CAST: variants seen among roughly 807,000 people sequenced by gnomAD.
CAST encodes calpastatin.
CAST carries 76 observed loss-of-function variants against 119.6 expected under a neutral mutation model. The observed-to-expected ratio is 0.64, with a 90% CI of 0.53 to 0.77. The LOEUF is 0.77. Ranked by LOEUF, CAST falls within the 30% of genes least tolerant of loss-of-function variation. CAST has a pLI of 0.00. For missense variants in CAST, 953 were observed against 946.5 expected (o/e 1.01, Z -0.09); for synonymous variants, 319 against 331.6 (o/e 0.96, Z 0.41).
intron 1 of CAST, among the ~76,000 whole-genome samples, chr5:96,672,449 C>G (rs1209961369): frequency 6.6e-6 from 1 of 152,098 alleles, no homozygotes; most frequent in Non-Finnish European, 1.5e-5. Context: ...GTGGCTCACG[C>G]CTGTAATCCC....
the CAST span, among the ~76,000 whole-genome samples, chr5:95,997,916 A>G: frequency 6.6e-6 from 1 of 151,542 alleles, no homozygotes; most frequent in Admixed American, 6.6e-5. Flanking sequence ...GTAAATGGAA[A>G]GACTGGAACA....
chr5:96,690,228 A>G (rs1164612941), intron 2 of CAST, among the ~76,000 whole-genome samples: 1 of 151,646 alleles, frequency 6.6e-6, no homozygotes, highest in African/African-American at 2.4e-5. Context: ...ATGTGAATTT[A>G]TTTATTTATC....
the CAST span, among the ~76,000 whole-genome samples, chr5:96,439,029 A>G: frequency 1.3e-5 from 2 of 152,198 alleles, no homozygotes; most frequent in Admixed American, 6.5e-5. Context: ...TATTAATGCT[A>G]TTAACCTATC....
At chr5:96,649,944 C>A (rs2112278) in intron 1 of CAST, among the ~76,000 whole-genome samples, 8 of 152,198 alleles carry the variant, frequency 5.3e-5, no homozygotes, top group Non-Finnish European at 1.0e-4. Flanking sequence ...AGACACTATT[C>A]TAAAAGTTTT....
chr5:96,548,510 G>T (rs1295860053), intron 1 of CAST, among the ~76,000 whole-genome samples: 2 of 152,052 alleles, frequency 1.3e-5, no homozygotes, highest in African/African-American at 4.8e-5. Context: ...TGTCCTTTGT[G>T]GTAGATGCAC....
the CAST span, among the ~76,000 whole-genome samples, chr5:96,278,061 G>A: frequency 6.6e-6 from 1 of 150,730 alleles, no homozygotes; most frequent in Middle Eastern, 3.4e-3. Context: ...ATTTTGTTTT[G>A]TCTTAGATTG....
At chr5:96,426,672 A>G in the CAST span, among the ~76,000 whole-genome samples, 1 of 152,208 alleles carries the variant, frequency 6.6e-6, no homozygotes, top group Admixed American at 6.5e-5. Flanking sequence ...TCATTATGAG[A>G]TAATTCTATA....
the CAST span, among the ~76,000 whole-genome samples, chr5:96,330,560 A>C: frequency 6.6e-6 from 1 of 152,186 alleles, no homozygotes; most frequent in East Asian, 1.9e-4. Context: ...TATGCAGTTT[A>C]TCAGCCTCTA....
chr5:96,242,154 A>G, the CAST span, among the ~76,000 whole-genome samples: 5,417 of 149,052 alleles, frequency 0.036, 297 homozygotes, highest in African/African-American at 0.13. Flanking sequence ...CTATGTCCTG[A>G]ATGGTAATGC....
the CAST span, among the ~76,000 whole-genome samples, chr5:96,066,404 T>C: frequency 2.6e-5 from 4 of 152,092 alleles, no homozygotes; most frequent in African/African-American, 9.7e-5. Flanking sequence ...CTTTTTTTTT[T>C]TTCTTTTTTA....
At chr5:95,961,841 T>C in the CAST span, 3 of 1,274,720 alleles carry the variant, frequency 2.4e-6, no homozygotes, top group Non-Finnish European at 3.1e-6. Context: ...GCTGACGTAC[T>C]GTCATATACT....
At chr5:96,311,731 C>A in the CAST span, among the ~76,000 whole-genome samples, 24 of 151,786 alleles carry the variant, frequency 1.6e-4, no homozygotes, top group Non-Finnish European at 3.4e-4. Flanking sequence ...TCCTAGAAAA[C>A]AAAAATTCTT....
chr5:96,338,712 C>A, the CAST span, among the ~76,000 whole-genome samples: 3 of 152,146 alleles, frequency 2.0e-5, no homozygotes, highest in African/African-American at 7.2e-5. Flanking sequence ...TTGGTGAGCT[C>A]TGGATGCCGT....
the CAST span, chr5:95,961,768 C>T: frequency 1.9e-6 from 3 of 1,540,930 alleles, no homozygotes; most frequent in Admixed American, 6.3e-5. Flanking sequence ...CGGCTCTAGC[C>T]TCCACTGCGG....
At chr5:96,172,643 T>C in the CAST span, among the ~76,000 whole-genome samples, 1 of 152,220 alleles carries the variant, frequency 6.6e-6, no homozygotes, top group Non-Finnish European at 1.5e-5. Flanking sequence ...TCAGAATAAA[T>C]TAAAAGACAG....
chr5:95,980,474 A>G, the CAST span: 1 of 152,184 alleles, frequency 6.6e-6, no homozygotes, highest in Non-Finnish European at 1.5e-5. Flanking sequence ...TGGCCTCTGT[A>G]GCACTGGCTA....
At chr5:96,748,011 C>G (rs891119188) in intron 18 of CAST, among the ~76,000 whole-genome samples, 4 of 152,170 alleles carry the variant, frequency 2.6e-5, no homozygotes, top group African/African-American at 7.2e-5. Context: ...GCCCTTCTAT[C>G]ATGTTACTGT....
At chr5:96,757,371 A>G in intron 22 of CAST, 73 bp from the exon 23 acceptor site, 1 of 1,327,142 alleles carries the variant, frequency 7.5e-7, no homozygotes, top group East Asian at 2.3e-5. Context: ...GACCCTTTGT[A>G]ATGTTTACAA....
chr5:96,319,738 T>C, the CAST span, among the ~76,000 whole-genome samples: 1 of 152,088 alleles, frequency 6.6e-6, no homozygotes, highest in Admixed American at 6.5e-5. Context: ...TATTAGGTGA[T>C]AGAAAACGGA....
Sources: allele counts gnomAD v4.1 joint callset (sites outside exome capture counted in the v4.1 genomes callset), GRCh38; gene constraint gnomAD v4.1.1; transcripts MANE v1.5; gene names NCBI Gene and HGNC (gene_info 2026-07-23, HGNC 2026-07-21).